PEX5L: variants seen among roughly 807,000 people sequenced by gnomAD.
The protein encoded by PEX5L is peroxisomal biogenesis factor 5 like.
A neutral mutation model predicts 84.0 loss-of-function variants in PEX5L; 30 were observed. The observed-to-expected ratio is 0.36, with a 90% CI of 0.27 to 0.48. The LOEUF is 0.48. Among genes scored for constraint, PEX5L ranks in the 20% least tolerant of loss-of-function variants. The pLI, the probability that PEX5L is intolerant of heterozygous loss-of-function variation, is 0.99. For synonymous variants in PEX5L, 270 were observed against 283.1 expected (o/e 0.95, Z 0.46); for missense variants, 533 against 754.6 (o/e 0.71, Z 3.44).
intron 2 of PEX5L, among the ~76,000 whole-genome samples, chr3:179,905,945 T>A (rs947575691): frequency 2.6e-5 from 4 of 152,222 alleles, no homozygotes; most frequent in African/African-American, 9.6e-5. Context: ...TTTCAAATTA[T>A]TTCATACTGA....
At chr3:179,814,841 T>TA (rs1725422756) in intron 10 of PEX5L, among the ~76,000 whole-genome samples, 1 of 152,128 alleles carries the variant, frequency 6.6e-6, no homozygotes, top group African/African-American at 2.4e-5. Context: ...AATTCTTGCC[T>TA]ATCTCTTCTT....
At chr3:179,948,480 C>A (rs1183689939) in intron 2 of PEX5L, among the ~76,000 whole-genome samples, 2 of 152,056 alleles carry the variant, frequency 1.3e-5, no homozygotes, top group Non-Finnish European at 2.9e-5. Context: ...GGGCACTGAC[C>A]GAGTTGTCAT....
chr3:179,846,882 C>T (rs1232319419), intron 8 of PEX5L, among the ~76,000 whole-genome samples: 5 of 152,130 alleles, frequency 3.3e-5, no homozygotes, highest in Admixed American at 2.0e-4. Flanking sequence ...CAGACTGGAA[C>T]TACACCCCAA....
intron 1 of PEX5L, among the ~76,000 whole-genome samples, chr3:180,008,520 C>T (rs942593047): frequency 3.3e-5 from 5 of 152,202 alleles, no homozygotes; most frequent in Non-Finnish European, 7.3e-5. Context: ...ACACCCCACT[C>T]CTGGTACCAA....
chr3:179,829,848 C>G (rs1184288618), intron 8 of PEX5L, among the ~76,000 whole-genome samples: 3 of 147,320 alleles, frequency 2.0e-5, no homozygotes, highest in Non-Finnish European at 3.0e-5. Context: ...GTGATCTTGG[C>G]TCACTGCAAC....
At chr3:179,984,469 T>G (rs1786619093) in intron 1 of PEX5L, among the ~76,000 whole-genome samples, 1 of 152,164 alleles carries the variant, frequency 6.6e-6, no homozygotes, top group Non-Finnish European at 1.5e-5. Flanking sequence ...TTTGCTTAAT[T>G]TTTTTCTAAT....
At chr3:180,022,178 G>A (rs568679122) in intron 1 of PEX5L, among the ~76,000 whole-genome samples, 6 of 152,090 alleles carry the variant, frequency 3.9e-5, no homozygotes, top group South Asian at 2.1e-4. Context: ...ATCACATTCT[G>A]ATTTTTATAA....
At chr3:179,936,436 C>T (rs1448714337) in intron 2 of PEX5L, among the ~76,000 whole-genome samples, 3 of 151,944 alleles carry the variant, frequency 2.0e-5, no homozygotes, top group African/African-American at 7.3e-5. Flanking sequence ...GTTAATAAAC[C>T]CAGTAAAATA....
chr3:179,813,540 T>G (rs1269438694), intron 10 of PEX5L, among the ~76,000 whole-genome samples: 2 of 152,182 alleles, frequency 1.3e-5, no homozygotes, highest in Non-Finnish European at 2.9e-5. Flanking sequence ...GCTCTGTCAC[T>G]GAGGCTGGAG....
At chr3:179,859,411 C>A (rs1745212514) in intron 7 of PEX5L, among the ~76,000 whole-genome samples, 3 of 152,152 alleles carry the variant, frequency 2.0e-5, no homozygotes, top group African/African-American at 4.8e-5. Context: ...CTCCTCAGGC[C>A]TCATCTCCCA....
chr3:179,901,352 C>A (rs988757424), intron 2 of PEX5L, among the ~76,000 whole-genome samples: 2 of 152,176 alleles, frequency 1.3e-5, no homozygotes, highest in African/African-American at 4.8e-5. Flanking sequence ...CAAAATATAA[C>A]CACACCAAAG....
intron 7 of PEX5L, among the ~76,000 whole-genome samples, chr3:179,871,589 T>C (rs1256581000): frequency 1.3e-5 from 2 of 152,318 alleles, no homozygotes; most frequent in African/African-American, 4.8e-5. Flanking sequence ...ATAACCTAAA[T>C]GGAGATGTAA....
chr3:179,887,603 G>GA (rs1756304807), intron 4 of PEX5L, 70 bp downstream of exon 4: 5 of 980,258 alleles, frequency 5.1e-6, no homozygotes, highest in East Asian at 2.4e-5. Context: ...ATGTATTATG[G>GA]AAAAAATGTG....
At chr3:179,857,051 G>A (rs576545754) in intron 8 of PEX5L, among the ~76,000 whole-genome samples, 1 of 152,306 alleles carries the variant, frequency 6.6e-6, no homozygotes, top group Non-Finnish European at 1.5e-5. Context: ...TAAACAGCCA[G>A]TATGGTTTGC....
chr3:179,995,634 T>C (rs1017736362), intron 1 of PEX5L, among the ~76,000 whole-genome samples: 42 of 152,094 alleles, frequency 2.8e-4, no homozygotes, highest in African/African-American at 9.2e-4. Flanking sequence ...GACAAAGTGA[T>C]GAAAGAAACT....
intron 1 of PEX5L, among the ~76,000 whole-genome samples, chr3:180,021,164 G>A (rs980231341): frequency 1.3e-5 from 2 of 152,140 alleles, no homozygotes; most frequent in Non-Finnish European, 2.9e-5. Flanking sequence ...AGCAAGGATC[G>A]GCCAGGTAGG....
chr3:179,805,902 C>T (rs192546480), intron 14 of PEX5L, among the ~76,000 whole-genome samples: 20 of 151,502 alleles, frequency 1.3e-4, no homozygotes, highest in African/African-American at 4.8e-4. Context: ...TTTTATTGGC[C>T]ACTCAATTAT....
chr3:180,003,403 GA>G (rs1203892872), intron 1 of PEX5L, among the ~76,000 whole-genome samples: 5 of 151,356 alleles, frequency 3.3e-5, no homozygotes, highest in Admixed American at 6.6e-5. Context: ...GAAAAAAAAA[GA>G]AAAAAATAAC....
chr3:179,910,421 T>C (rs181679830), intron 2 of PEX5L, among the ~76,000 whole-genome samples: 1 of 152,356 alleles, frequency 6.6e-6, no homozygotes, highest in Admixed American at 6.5e-5. Context: ...AGCTATTTGT[T>C]TCCAGCTAAA....
Sources: allele counts gnomAD v4.1 joint callset (sites outside exome capture counted in the v4.1 genomes callset), GRCh38; gene constraint gnomAD v4.1.1; transcripts MANE v1.5; gene names NCBI Gene and HGNC (gene_info 2026-07-23, HGNC 2026-07-21).